The following CPNE4 variants were observed in gnomAD, a reference collection of about 807,000 sequenced individuals.
CPNE4 encodes copine 4, also known as copine-4.
A neutral mutation model predicts 67.9 loss-of-function variants in CPNE4; 25 were observed. That is an observed-to-expected ratio of 0.37 (90% CI 0.27 to 0.51). The LOEUF (loss-of-function observed/expected upper bound fraction) is 0.51. Ranked by LOEUF, CPNE4 falls within the 20% of genes least tolerant of loss-of-function variation. The pLI is 0.93. For synonymous variants in CPNE4, 242 were observed against 244.9 expected (o/e 0.99, Z 0.11); for missense variants, 464 against 690.8 (o/e 0.67, Z 3.68).
intron 1 of CPNE4, among the ~76,000 whole-genome samples, chr3:131,986,847 A>AC (rs1560740562): frequency 7.7e-6 from 1 of 130,578 alleles, no homozygotes; most frequent in East Asian, 2.2e-4. Context: ...AAAAAACAAA[A>AC]AAAAACAAAA....
rs559498243 is a variant in CPNE4, at chr3:131,825,141, G to C, written c.180+80123C>G. 2.0e-5 allele frequency among the ~76,000 whole-genome samples: 3 copies of C among 152,064 alleles called. 1 individual carries two copies. The South Asian group carries it at 6.2e-4, about 32-fold the overall frequency. Reference sequence around the variant, plus strand: ...AATGAAAGTAATAGTGAGAAACGGGGTCCATATGAGCAGTTTTTGCAGAAA... The same window carrying C: ...AATGAAAGTAATAGTGAGAAACGGGCTCCATATGAGCAGTTTTTGCAGAAA... On this transcript the variant is annotated intron_variant, in intron 2 of 15. Transcript: ENST00000429747.
intron 7 of CPNE4, among the ~76,000 whole-genome samples, chr3:131,636,801 C>T (rs375913394): frequency 1.3e-5 from 2 of 152,214 alleles, no homozygotes; most frequent in Admixed American, 6.5e-5. Flanking sequence ...TCCCCTGCTA[C>T]CTCCACCAGA....
At chr3:131,850,107 C>G (rs906502642) in intron 2 of CPNE4, among the ~76,000 whole-genome samples, 1 of 152,124 alleles carries the variant, frequency 6.6e-6, no homozygotes, top group Non-Finnish European at 1.5e-5. Context: ...ACAATTGACA[C>G]AATCCATCAT....
chr3:131,987,091 T>C (rs2073068460), intron 1 of CPNE4, among the ~76,000 whole-genome samples: 1 of 152,182 alleles, frequency 6.6e-6, no homozygotes, highest in Admixed American at 6.5e-5. Context: ...CAAATTTGAA[T>C]GTGCACATAT....
At chr3:131,605,339 A>C (rs939720441) in intron 7 of CPNE4, among the ~76,000 whole-genome samples, 2 of 152,108 alleles carry the variant, frequency 1.3e-5, no homozygotes, top group Non-Finnish European at 2.9e-5. Context: ...TCTGTGGTCC[A>C]GGTAGTGAGC....
At chr3:131,967,864 T>C (rs2072395619) in intron 1 of CPNE4, among the ~76,000 whole-genome samples, 1 of 152,046 alleles carries the variant, frequency 6.6e-6, no homozygotes, top group African/African-American at 2.4e-5. Flanking sequence ...TACTTTAAAA[T>C]TTCATGTGGA....
At chr3:131,855,977 C>A (rs1228484880) in intron 2 of CPNE4, among the ~76,000 whole-genome samples, 1 of 151,874 alleles carries the variant, frequency 6.6e-6, no homozygotes, top group African/African-American at 2.4e-5. Context: ...ACTGAATAAC[C>A]ACTGAAATCA....
At chr3:131,737,141 T>TTTTTTTTTTTTTTTC (rs1491475059) in intron 2 of CPNE4, among the ~76,000 whole-genome samples, 1 of 106,028 alleles carries the variant, frequency 9.4e-6, no homozygotes, top group African/African-American at 3.6e-5. Flanking sequence ...TTTTTTTTTT[T>TTTTTTTTTTTTTTTC]GAGAGGGAGT....
chr3:131,877,934 C>G (rs761247082), intron 2 of CPNE4, among the ~76,000 whole-genome samples: 1 of 152,212 alleles, frequency 6.6e-6, no homozygotes. Context: ...CATTGAGACA[C>G]TACTACATAT....
chr3:131,868,526 A>C (rs1239292190), intron 2 of CPNE4, among the ~76,000 whole-genome samples: 2 of 152,198 alleles, frequency 1.3e-5, no homozygotes, highest in Admixed American at 1.3e-4. Flanking sequence ...TATGTGAAAA[A>C]AATAAATTTA....
intron 2 of CPNE4, among the ~76,000 whole-genome samples, chr3:131,740,237 G>A (rs2082326485): frequency 6.6e-6 from 1 of 152,134 alleles, no homozygotes; most frequent in African/African-American, 2.4e-5. Flanking sequence ...TATGTATAAG[G>A]AAATGTCTGT....
chr3:131,779,749 A>C (rs1187356036), intron 2 of CPNE4, among the ~76,000 whole-genome samples: 1 of 152,094 alleles, frequency 6.6e-6, no homozygotes, highest in Non-Finnish European at 1.5e-5. Context: ...AAAACCTAGG[A>C]AATCCATTCT....
At chr3:131,657,044 T>C (rs2079990167) in intron 7 of CPNE4, among the ~76,000 whole-genome samples, 3 of 152,336 alleles carry the variant, frequency 2.0e-5, no homozygotes, top group African/African-American at 7.2e-5. Flanking sequence ...CCATACTTAA[T>C]CATTATTTAA....
At chr3:131,734,766 T>C (rs547529649) in intron 2 of CPNE4, among the ~76,000 whole-genome samples, 47 of 152,226 alleles carry the variant, frequency 3.1e-4, no homozygotes, top group African/African-American at 1.1e-3. Flanking sequence ...TGGCACACTC[T>C]TGTAGTCCCT....
chr3:131,887,910 C>G (rs2087958710), intron 2 of CPNE4, among the ~76,000 whole-genome samples: 1 of 141,350 alleles, frequency 7.1e-6, no homozygotes, highest in Non-Finnish European at 1.6e-5. Flanking sequence ...GAAGGAGGGT[C>G]TATGTCCTTA....
intron 3 of CPNE4, among the ~76,000 whole-genome samples, chr3:131,708,959 TATATATATA>T (rs2081486449): frequency 3.6e-5 from 2 of 55,708 alleles, no homozygotes; most frequent in African/African-American, 2.2e-4. Flanking sequence ...GGCATAAAGA[TATATATATA>T]TATATATATA....
At chr3:131,720,284 G>GTTTTTT (rs60028328) in intron 3 of CPNE4, among the ~76,000 whole-genome samples, 2 of 107,964 alleles carry the variant, frequency 1.9e-5, no homozygotes, top group African/African-American at 3.3e-5. Context: ...ACAGGAATGG[G>GTTTTTT]TTTTTTTTTT....
At chr3:131,546,531 C>G (rs1049389913) in intron 14 of CPNE4, among the ~76,000 whole-genome samples, 2 of 152,122 alleles carry the variant, frequency 1.3e-5, no homozygotes, top group Admixed American at 1.3e-4. Flanking sequence ...TTTCAAAGAA[C>G]AGGAGAAACC....
At chr3:131,670,820 T>G (rs28436261) in intron 6 of CPNE4, among the ~76,000 whole-genome samples, 5 of 2,208 alleles carry the variant, frequency 2.3e-3, no homozygotes, top group East Asian at 0.1. Context: ...TTTTTTGTTT[T>G]TTTTTTTTGA....
Sources: allele counts gnomAD v4.1 joint callset (sites outside exome capture counted in the v4.1 genomes callset), GRCh38; gene constraint gnomAD v4.1.1; transcripts MANE v1.5; gene names NCBI Gene and HGNC (gene_info 2026-07-23, HGNC 2026-07-21).